The following ARHGAP10 variants were observed in gnomAD, a reference collection of about 807,000 sequenced individuals.
ARHGAP10 encodes the protein Rho GTPase activating protein 10.
Under a neutral mutation model 108.6 loss-of-function variants are expected in ARHGAP10, and 87 were observed. The observed-to-expected ratio is 0.80, with a 90% confidence interval of 0.67 to 0.96. ARHGAP10 has a LOEUF of 0.96. ARHGAP10 is among the 40% of genes least tolerant of loss of function. ARHGAP10 has a pLI of 0.00. For synonymous variants in ARHGAP10, 347 were observed against 341.1 expected (o/e 1.02, Z -0.19); for missense variants, 939 against 954.5 (o/e 0.98, Z 0.21).
chr4:148,051,138 T>C (rs1490790334), intron 20 of ARHGAP10, among the ~76,000 whole-genome samples: 1 of 152,238 alleles, frequency 6.6e-6, no homozygotes, highest in Admixed American at 6.5e-5. Context: ...TAGAAAACAA[T>C]GCAGCAGAAT....
intron 10 of ARHGAP10, among the ~76,000 whole-genome samples, chr4:147,901,636 T>G (rs1736248066): frequency 6.6e-6 from 1 of 152,230 alleles, no homozygotes; most frequent in African/African-American, 2.4e-5. Context: ...TTTTTACGCT[T>G]CTTTGGATTT....
At position 147,846,462 on chromosome 4, in the gene ARHGAP10, A is replaced by C. The variant is rs1291326007; in HGVS notation, c.313-689A>C. On this transcript the variant is annotated intron_variant, in intron 3 of 22. Coordinates refer to ENST00000336498, the MANE Select transcript of ARHGAP10 (RefSeq NM_024605.4). ...TTACTAAGTATGTTTTCTTTTGATG[A>C]ATATTTTCTTTTATTTGCATTTTCA... Among the ~76,000 whole-genome samples the C allele has an allele frequency of 3.3e-5, 5 of 152,276 alleles. No homozygotes were observed. The East Asian group carries it at 9.6e-4, about 29-fold the overall frequency.
Position 147,822,882 on chromosome 4 carries a change from C to T in ARHGAP10, c.251-14C>T, listed in dbSNP as rs750065900. 4 of 1,613,962 alleles carry T rather than the reference C, an allele frequency of 2.5e-6. No homozygotes were observed. The highest frequency in any genetic ancestry group is 2.7e-5 in the African/African-American group (2 of 75,022). On this transcript the variant is annotated splice_polypyrimidine_tract_variant and intron_variant, in intron 2 of 22. Transcript: ENST00000336498. ...TGCCATGGCCACCAAATAATCACTC[C>T]TTTCTTCTTACAGATGCTTCCTTAC...
intron 15 of ARHGAP10, among the ~76,000 whole-genome samples, chr4:147,951,597 T>C (rs1281156010): frequency 2.0e-5 from 3 of 152,038 alleles, no homozygotes; most frequent in African/African-American, 4.8e-5. Flanking sequence ...TTTTTTTCTT[T>C]TATTTTTCAA....
intron 1 of ARHGAP10, among the ~76,000 whole-genome samples, chr4:147,780,137 A>G (rs1730469888): frequency 6.6e-6 from 1 of 152,222 alleles, no homozygotes; most frequent in African/African-American, 2.4e-5. Context: ...AAAAGTTGGA[A>G]CATAATTATA....
At chr4:147,997,180 A>G (rs1740509130) in intron 18 of ARHGAP10, among the ~76,000 whole-genome samples, 1 of 152,258 alleles carries the variant, frequency 6.6e-6, no homozygotes, top group Non-Finnish European at 1.5e-5. Flanking sequence ...CTGTCCACTT[A>G]AAATATTTGT....
chr4:147,920,804 T>G (rs111491090), intron 13 of ARHGAP10, among the ~76,000 whole-genome samples: 1 of 152,116 alleles, frequency 6.6e-6, no homozygotes, highest in Non-Finnish European at 1.5e-5. Context: ...TCTTTAGGAG[T>G]AGGCTTCCTC....
At chr4:148,023,515 T>A in intron 19 of ARHGAP10, 102 bp downstream of exon 19, 1 of 1,257,806 alleles carries the variant, frequency 8.0e-7, no homozygotes, top group Non-Finnish European at 1.1e-6. Context: ...GTGTTTTAAT[T>A]TCTTCTTCCC....
chr4:147,999,340 C>A (rs1468741114), intron 18 of ARHGAP10, among the ~76,000 whole-genome samples: 4 of 152,230 alleles, frequency 2.6e-5, no homozygotes, highest in Non-Finnish European at 5.9e-5. Flanking sequence ...TGGGTACCCT[C>A]CCTTTGTGAG....
At chr4:148,038,551 A>C (rs1269560472) in intron 19 of ARHGAP10, among the ~76,000 whole-genome samples, 1 of 152,204 alleles carries the variant, frequency 6.6e-6, no homozygotes, top group African/African-American at 2.4e-5. Flanking sequence ...CTCGTCTTCC[A>C]ATACAGACAT....
chr4:148,071,984 C>T lies in ARHGAP10; in HGVS notation c.2273-9C>T. ...ATTTTGTAAAAGTGATTTTTCTCTTCCTTTTCAGTACAAACCTCCAGGGAA... is the reference window on the plus strand; with the variant it reads ...ATTTTGTAAAAGTGATTTTTCTCTTTCTTTTCAGTACAAACCTCCAGGGAA... On this transcript the variant is annotated splice_polypyrimidine_tract_variant and intron_variant, in intron 22 of 22. Coordinates refer to ENST00000336498, the MANE Select transcript of ARHGAP10 (RefSeq NM_024605.4). The T allele has an allele frequency of 6.2e-7, 1 of 1,609,904 alleles. No individual in the cohort carries two copies. Among genetic ancestry groups the T allele is most frequent in the Admixed American group, 1.7e-5 (1 of 59,114 alleles).
At position 148,063,143 on chromosome 4, in the gene ARHGAP10, C is replaced by T; in HGVS notation, c.2028-5C>T. The stretch of plus-strand genomic sequence containing the variant: ...TAATCCTGTCCTTCAAACTCCTACC[C>T]TTAGCCCAGGCCAGACCCGATCGTC... On this transcript the variant is annotated splice_region_variant and splice_polypyrimidine_tract_variant and intron_variant, in intron 20 of 22. Coordinates refer to ENST00000336498, the MANE Select transcript of ARHGAP10 (RefSeq NM_024605.4). 6.2e-7 allele frequency: 1 copy of T among 1,614,108 alleles called. No individual in the cohort carries two copies.
intron 18 of ARHGAP10, among the ~76,000 whole-genome samples, chr4:147,985,140 G>C (rs563574007): frequency 3.3e-5 from 5 of 152,306 alleles, no homozygotes; most frequent in African/African-American, 1.2e-4. Flanking sequence ...AGCAGAGAGG[G>C]CCCTGCTGCA....
At chr4:147,743,106 TCA>T (rs951424779) in intron 1 of ARHGAP10, among the ~76,000 whole-genome samples, 2 of 151,530 alleles carry the variant, frequency 1.3e-5, no homozygotes, top group Non-Finnish European at 2.9e-5. Flanking sequence ...TGATCTCGGC[TCA>T]CTGCAACCTC....
At chr4:147,999,341 C>T (rs1740602930) in intron 18 of ARHGAP10, among the ~76,000 whole-genome samples, 1 of 152,216 alleles carries the variant, frequency 6.6e-6, no homozygotes, top group South Asian at 2.1e-4. Flanking sequence ...GGGTACCCTC[C>T]CTTTGTGAGC....
intron 8 of ARHGAP10, among the ~76,000 whole-genome samples, chr4:147,877,657 G>C (rs1334484481): frequency 6.6e-6 from 1 of 152,096 alleles, no homozygotes; most frequent in Non-Finnish European, 1.5e-5. Context: ...ATTGGCATGT[G>C]AAGTTCCAGA....
intron 18 of ARHGAP10, among the ~76,000 whole-genome samples, chr4:148,006,851 A>G (rs10025443): frequency 0.69 from 105,389 of 152,016 alleles, 36,691 homozygotes; most frequent in East Asian, 0.87. Flanking sequence ...AGTCAGCTCC[A>G]TGGCTAAGAT....
At chr4:147,873,704 A>ACACACACACG (rs1734939823) in intron 7 of ARHGAP10, among the ~76,000 whole-genome samples, 2 of 149,876 alleles carry the variant, frequency 1.3e-5, no homozygotes, top group East Asian at 2.0e-4. Flanking sequence ...ACACACACAC[A>ACACACACACG]CACACACACA....
intron 3 of ARHGAP10, among the ~76,000 whole-genome samples, chr4:147,845,408 C>T (rs1733591465): frequency 6.6e-6 from 1 of 152,110 alleles, no homozygotes; most frequent in Non-Finnish European, 1.5e-5. Context: ...TAGCTGTATC[C>T]CCATCACCTG....
Sources: allele counts gnomAD v4.1 joint callset (sites outside exome capture counted in the v4.1 genomes callset), GRCh38; gene constraint gnomAD v4.1.1; transcripts MANE v1.5; gene names NCBI Gene and HGNC (gene_info 2026-07-23, HGNC 2026-07-21).